Variants in CNTNAP5 observed in about 807,000 individuals in gnomAD.
CNTNAP5 encodes the protein contactin-associated protein-like 5.
In CNTNAP5, 72 loss-of-function variants were observed where a neutral mutation model predicts 150.2. The ratio of observed to expected loss-of-function variants is 0.48; its 90% CI spans 0.40 to 0.58. CNTNAP5 has a LOEUF of 0.58. Among genes scored for constraint, CNTNAP5 ranks in the 20% least tolerant of loss-of-function variants. The pLI is 0.00. For missense variants in CNTNAP5, 1,636 were observed against 1,626.2 expected (o/e 1.01, Z -0.10); for synonymous variants, 672 against 619.8 (o/e 1.08, Z -1.25).
Position 124,357,114 on chromosome 2 carries a change from G to A in CNTNAP5, c.382-60329G>A, listed in dbSNP as rs564395549. 2.7e-4 allele frequency among the ~76,000 whole-genome samples: 41 copies of A among 152,192 alleles called. 1 individual carries two copies. The East Asian group carries it at 6.9e-3, about 26-fold the overall frequency. On this transcript the variant is annotated intron_variant, in intron 3 of 23. Coordinates refer to ENST00000682447, the MANE Select transcript of CNTNAP5 (RefSeq NM_001367498.1). The stretch of plus-strand genomic sequence containing the variant: ...CTGCATAAATGTCTTCTTTTGAGAA[G>A]TGTCTGTTCATGTCCTTCGCCCACT...
At chr2:124,803,774 G>C (rs1331657777) in intron 19 of CNTNAP5, among the ~76,000 whole-genome samples, 2 of 152,204 alleles carry the variant, frequency 1.3e-5, no homozygotes, top group Non-Finnish European at 2.9e-5. Context: ...GGAAGCCAGG[G>C]AGGGAGCATT....
intron 11 of CNTNAP5, among the ~76,000 whole-genome samples, chr2:124,567,841 A>G (rs1394264623): frequency 9.5e-6 from 1 of 105,524 alleles, no homozygotes; most frequent in African/African-American, 3.3e-5. Flanking sequence ...TAGATGATAG[A>G]TAGATAGATA....
chr2:124,247,171 G>A lies in CNTNAP5; in HGVS notation c.381+4778G>A, dbSNP rs563010987. Among the ~76,000 whole-genome samples the A allele has an allele frequency of 9.2e-5, 14 of 152,186 alleles. No homozygotes were observed. The South Asian group carries it at 1.7e-3, about 18-fold the overall frequency. On this transcript the variant is annotated intron_variant, in intron 3 of 23. Transcript: ENST00000682447. ...ATACACATTTATTCTGCCACGTTGGGCCTAGAACATCCTGAGTATTGATCA... is the reference window on the plus strand; with the variant it reads ...ATACACATTTATTCTGCCACGTTGGACCTAGAACATCCTGAGTATTGATCA...
In CNTNAP5 at chr2:124,914,515, C is replaced by T. The variant is rs961690245; in HGVS notation, c.*227C>T. 2 of 512,128 alleles carry T rather than the reference C, an allele frequency of 3.9e-6. No individual in the cohort carries two copies. Among genetic ancestry groups the T allele is most frequent in the Non-Finnish European group, 7.1e-6 (2 of 283,200 alleles). 31.7% of individuals were successfully genotyped at this position (512,128 alleles called of 1,614,324 possible). On this transcript the variant is annotated 3_prime_UTR_variant, in exon 24 of 24. Coordinates refer to ENST00000682447, the MANE Select transcript of CNTNAP5 (RefSeq NM_001367498.1). ...GATGAACCTATCGGGTGAAAACGAC[C>T]ACTCAAGAGACTGACTTCGCCATTC...
At chr2:124,151,791 G>T (rs2104634907) in intron 1 of CNTNAP5, among the ~76,000 whole-genome samples, 1 of 152,260 alleles carries the variant, frequency 6.6e-6, no homozygotes, top group East Asian at 1.9e-4. Context: ...AAGGATCTCA[G>T]ACCCAGGAAT....
chr2:124,523,350 T>A (rs1269911734), intron 8 of CNTNAP5, among the ~76,000 whole-genome samples: 1 of 152,192 alleles, frequency 6.6e-6, no homozygotes, highest in East Asian at 1.9e-4. Flanking sequence ...CAATTTAGAA[T>A]TGTGTGGCTG....
At chr2:124,319,838 T>G (rs1689056164) in intron 3 of CNTNAP5, among the ~76,000 whole-genome samples, 1 of 152,230 alleles carries the variant, frequency 6.6e-6, no homozygotes, top group African/African-American at 2.4e-5. Flanking sequence ...TGAAAACCAC[T>G]GCTCTAGGTG....
At chr2:124,494,337 C>T (rs184238964) in intron 7 of CNTNAP5, among the ~76,000 whole-genome samples, 129 of 152,148 alleles carry the variant, frequency 8.5e-4, no homozygotes, top group South Asian at 2.9e-3. Context: ...AAGGCTGAGG[C>T]GCCTGGAGTT....
At chr2:124,440,485 T>A (rs1692646946) in intron 5 of CNTNAP5, among the ~76,000 whole-genome samples, 1 of 152,078 alleles carries the variant, frequency 6.6e-6, no homozygotes, top group Admixed American at 6.6e-5. Context: ...GAAGATTTAA[T>A]CAAACAAGGC....
At chr2:124,513,799 C>T (rs1694646541) in intron 8 of CNTNAP5, among the ~76,000 whole-genome samples, 1 of 152,142 alleles carries the variant, frequency 6.6e-6, no homozygotes, top group Non-Finnish European at 1.5e-5. Flanking sequence ...TGGAGAGCTG[C>T]ATCGTGCAGG....
rs542897228 is a variant in CNTNAP5, at chr2:124,366,480, T to C, written c.382-50963T>C. On this transcript the variant is annotated intron_variant, in intron 3 of 23. Coordinates refer to ENST00000682447, the MANE Select transcript of CNTNAP5 (RefSeq NM_001367498.1). ...GACTAGCAGTGGCCACCAAGGGGCT[T>C]CCATAAGAGAAAGAATGGCATTCCA... Among the ~76,000 whole-genome samples, 151 of 152,250 alleles carry C rather than the reference T, an allele frequency of 9.9e-4. 1 individual carries two copies. In the Middle Eastern group the frequency reaches 0.01, roughly 10 times the overall value.
intron 1 of CNTNAP5, among the ~76,000 whole-genome samples, chr2:124,075,394 C>G (rs1170183129): frequency 6.6e-6 from 1 of 152,040 alleles, no homozygotes; most frequent in Non-Finnish European, 1.5e-5. Context: ...TTTTTGCCAT[C>G]ATCAGTAAGT....
At chr2:124,857,319 A>G (rs1433464493) in intron 19 of CNTNAP5, among the ~76,000 whole-genome samples, 1 of 152,146 alleles carries the variant, frequency 6.6e-6, no homozygotes, top group Non-Finnish European at 1.5e-5. Context: ...AGATGCATGC[A>G]AAAGAGATGG....
chr2:124,826,113 A>G (rs1377868439), intron 19 of CNTNAP5, among the ~76,000 whole-genome samples: 1 of 152,186 alleles, frequency 6.6e-6, no homozygotes, highest in Non-Finnish European at 1.5e-5. Context: ...AAAAAAACTG[A>G]ATCATTTGGA....
chr2:124,632,273 T>C (rs1357102908), intron 12 of CNTNAP5, among the ~76,000 whole-genome samples: 1 of 152,160 alleles, frequency 6.6e-6, no homozygotes, highest in Non-Finnish European at 1.5e-5. Flanking sequence ...TGCAGCACTA[T>C]TCACAATAGC....
chr2:124,666,744 G>A (rs1678710103), intron 13 of CNTNAP5, among the ~76,000 whole-genome samples: 1 of 152,080 alleles, frequency 6.6e-6, no homozygotes, highest in African/African-American at 2.4e-5. Flanking sequence ...CTGGCAGCTG[G>A]CCAGTGAGGG....
intron 1 of CNTNAP5, among the ~76,000 whole-genome samples, chr2:124,097,614 A>C (rs1682965145): frequency 6.6e-6 from 1 of 152,078 alleles, no homozygotes; most frequent in Non-Finnish European, 1.5e-5. Context: ...CCCTTTGTCC[A>C]TTGTTTCCCT....
chr2:124,457,514 C>T (rs565759184), intron 6 of CNTNAP5, among the ~76,000 whole-genome samples: 212 of 151,914 alleles, frequency 1.4e-3, no homozygotes, highest in African/African-American at 4.9e-3. Flanking sequence ...AGACAATTCT[C>T]TTTTTTTTAT....
chr2:124,700,631 A>G (rs995607158), intron 13 of CNTNAP5, among the ~76,000 whole-genome samples: 2 of 152,024 alleles, frequency 1.3e-5, no homozygotes, highest in African/African-American at 2.4e-5. Context: ...TTCATGGTAA[A>G]GGATTTGTCA....
Sources: gnomAD v4.1 joint callset for allele counts (sites outside exome capture counted in the v4.1 genomes callset) on GRCh38, gnomAD v4.1.1 for gene constraint, MANE v1.5 for transcripts, NCBI Gene and HGNC (gene_info 2026-07-23, HGNC 2026-07-21) for gene names.